Variants in MYO15B observed in about 807,000 individuals in gnomAD.
The protein encoded by MYO15B is myosin XVB pseudogene.
In MYO15B, 207 loss-of-function variants were observed where a neutral mutation model predicts 119.3. That is an observed-to-expected ratio of 1.73 (90% CI 1.55 to 1.95). MYO15B has a LOEUF of 1.95. Among genes scored for constraint, MYO15B ranks in the 30% most tolerant of loss-of-function variants. The pLI, the probability that MYO15B is intolerant of heterozygous loss-of-function variation, is 0.00. For synonymous variants in MYO15B, 966 were observed against 498.9 expected, an observed-to-expected ratio of 1.94 and a Z score of -12.48; for missense variants, 2,264 against 1,203.1, an observed-to-expected ratio of 1.88 and a Z score of -13.04.
exon 39 of MYO15B, chr17:75,616,542 C>T (rs1369006765): frequency 1.4e-6 from 1 of 702,642 alleles, no homozygotes; most frequent in African/African-American, 1.7e-5. Flanking sequence ...CCTCCTCCTC[C>T]CCCCATCGTG....
chr17:75,610,040 G>A lies in MYO15B; in HGVS notation c.4293-126G>A, dbSNP rs371790924. ...ATTCTTTTCCTGTCGTTTCTGTGAA[G>A]CATCCAGGGCTTCTCTGGTCCAAAG... On this transcript the variant is annotated intron_variant, in intron 21 of 63. Coordinates refer to ENST00000645453, the Ensembl canonical transcript of MYO15B. 231 of 521,366 alleles carry A rather than the reference G, an allele frequency of 4.4e-4. 1 individual carries two copies. In the South Asian group the frequency reaches 4.8e-3, roughly 11 times the overall value. 32.3% of individuals were successfully genotyped at this position (521,366 alleles called of 1,614,324 possible). A position where few individuals can be genotyped will look rare whatever the true frequency, so the allele number is the denominator to read the frequency against.
intron 9 of MYO15B, among the ~76,000 whole-genome samples, chr17:75,593,311 C>T (rs1270977035): frequency 6.6e-6 from 1 of 151,674 alleles, no homozygotes; most frequent in Admixed American, 6.6e-5. Flanking sequence ...CTAGAGCAGC[C>T]TGGGCAACAT....
chr17:75,597,852 G>A (rs906003889), intron 14 of MYO15B, among the ~76,000 whole-genome samples: 2 of 152,158 alleles, frequency 1.3e-5, no homozygotes, highest in Middle Eastern at 3.2e-3. Flanking sequence ...GGACGTCAAG[G>A]ATGCAGTGAG....
Position 75,589,476 on chromosome 17 carries a change from A to G in MYO15B, c.1419A>G (p.Arg473=). The G allele has an allele frequency of 2.6e-6, 1 of 386,242 alleles. No homozygotes were observed. The highest frequency in any genetic ancestry group is 1.3e-4 in the South Asian group (1 of 7,452). The allele number at this position is 386,242 out of a possible 1,614,324, so 23.9% of individuals were successfully genotyped here. A position where few individuals can be genotyped will look rare whatever the true frequency, so the allele number is the denominator to read the frequency against. The stretch of plus-strand genomic sequence containing the variant: ...CGGACGAGGGGCGGGGTCACGAGAG[A>G]GGTGACGAGGGCCGGGACCACCAGA... The change falls in exon 1 of 64, where the codon AGA becomes AGG. Residue 473 remains arginine, a synonymous_variant. Transcript: ENST00000645453. The surrounding 1 kb of genome is among the most constrained non-coding windows in gnomAD (Gnocchi z 4.2).
At chr17:75,619,517 C>T (rs1289682508) in intron 45 of MYO15B, 41 bp downstream of exon 45, 5 of 694,494 alleles carry the variant, frequency 7.2e-6, no homozygotes, top group Non-Finnish European at 1.1e-5. Context: ...GCCAGGCCCC[C>T]AGCCTGGATC....
At chr17:75,590,324 G>T (rs1251699622) in intron 1 of MYO15B, 81 bp downstream of exon 1, 3 of 398,838 alleles carry the variant, frequency 7.5e-6, no homozygotes, top group Middle Eastern at 6.3e-4. Flanking sequence ...TATGAATTGC[G>T]TGTAGACCCT....
exon 6 of MYO15B, chr17:75,592,009 T>C (rs2056495563): frequency 1.4e-6 from 1 of 702,692 alleles, no homozygotes; most frequent in Admixed American, 2.0e-5. Context: ...TCAGCAGCTT[T>C]GGCCATGCCA....
At chr17:75,616,576 G>T in exon 39 of MYO15B, 5 of 703,132 alleles carry the variant, frequency 7.1e-6, no homozygotes, top group Non-Finnish European at 1.3e-5. Context: ...AGCAAGGTGG[G>T]GCCAAAGCTC....
chr17:75,593,939 G>A (rs58716179), intron 9 of MYO15B, among the ~76,000 whole-genome samples: 7,861 of 84,702 alleles, frequency 0.093, 712 homozygotes, highest in African/African-American at 0.25. Context: ...AAAAAAAAAA[G>A]ATTAGCTGGG....
chr17:75,592,400 G>T (rs2056530165), intron 7 of MYO15B, 28 bp from the exon 8 acceptor site: 1 of 672,366 alleles, frequency 1.5e-6, no homozygotes, highest in African/African-American at 1.8e-5. Flanking sequence ...CTAGGGCACT[G>T]AGCCCCTAAG....
chr17:75,591,463 C>G, intron 4 of MYO15B, 138 bp from the exon 5 acceptor site: 2 of 641,744 alleles, frequency 3.1e-6, no homozygotes, highest in East Asian at 2.7e-5. Context: ...TCTCCATGCC[C>G]TGGGACTATC....
At chr17:75,618,974 C>T (rs568624174) in intron 43 of MYO15B, 169 bp from the exon 44 acceptor site, 48 of 607,410 alleles carry the variant, frequency 7.9e-5, no homozygotes, top group African/African-American at 6.8e-4. Flanking sequence ...GTGGCCCAAG[C>T]CCTCCATCCC....
exon 37 of MYO15B, chr17:75,616,096 C>T: frequency 5.2e-6 from 3 of 575,648 alleles, no homozygotes; most frequent in Non-Finnish European, 9.2e-6. Flanking sequence ...TGAAGACAGG[C>T]CCTATCAGCC....
intron 13 of MYO15B, 41 bp downstream of exon 13, chr17:75,596,596 C>T (rs1164480185): frequency 5.7e-6 from 4 of 701,592 alleles, no homozygotes; most frequent in South Asian, 1.5e-5. Flanking sequence ...GCCGCTCAGG[C>T]ATTGCCCAGG....
exon 37 of MYO15B, chr17:75,616,139 A>G: frequency 1.8e-6 from 1 of 564,270 alleles, no homozygotes; most frequent in Admixed American, 3.5e-5. Flanking sequence ...AACTATTTCC[A>G]GAGGATGGGT....
At chr17:75,622,651 T>C (rs886762670) in intron 53 of MYO15B, among the ~76,000 whole-genome samples, 9 of 152,018 alleles carry the variant, frequency 5.9e-5, no homozygotes, top group African/African-American at 2.2e-4. Flanking sequence ...AGATTCTGGG[T>C]GTCTAAGTTT....
At chr17:75,618,212 G>A in intron 43 of MYO15B, 27 bp downstream of exon 43, 1 of 702,984 alleles carries the variant, frequency 1.4e-6, no homozygotes, top group South Asian at 1.5e-5. Flanking sequence ...CTGCCAGCCT[G>A]AGACATCTGC....
At chr17:75,593,529 G>T (rs1258885107) in intron 9 of MYO15B, among the ~76,000 whole-genome samples, 1 of 151,902 alleles carries the variant, frequency 6.6e-6, no homozygotes, top group East Asian at 1.9e-4. Context: ...AGAATTGCTT[G>T]AACCCGGGAG....
chr17:75,625,334 G>T, intron 60 of MYO15B, 96 bp downstream of exon 60: 1 of 641,464 alleles, frequency 1.6e-6, no homozygotes, highest in Admixed American at 2.3e-5. Flanking sequence ...GGACTGGCCA[G>T]GAGCAGCGGG....
Sources: gnomAD v4.1 joint callset for allele counts (sites outside exome capture counted in the v4.1 genomes callset) on GRCh38, gnomAD v4.1.1 for gene constraint, Gnocchi (gnomAD v3.1) non-coding constraint, MANE v1.5 for transcripts, NCBI Gene and HGNC (gene_info 2026-07-23, HGNC 2026-07-21) for gene names.